Variants in LGR4 observed in about 807,000 individuals in gnomAD.
LGR4 encodes leucine-rich repeat-containing G protein-coupled receptor 4.
A neutral mutation model predicts 84.8 loss-of-function variants in LGR4; 44 were observed. That is an observed-to-expected ratio of 0.52 (90% CI 0.41 to 0.67). The LOEUF (loss-of-function observed/expected upper bound fraction) is 0.67. LGR4 is among the 30% of genes least tolerant of loss of function. LGR4 has a pLI of 0.00. For missense variants in LGR4, 1,032 were observed against 1,131.4 expected, an observed-to-expected ratio of 0.91 and a Z score of 1.26; for synonymous variants, 429 against 434.3, an observed-to-expected ratio of 0.99 and a Z score of 0.15.
At chr11:27,369,906 C>T (rs987979007) in intron 17 of LGR4, among the ~76,000 whole-genome samples, 2 of 152,138 alleles carry the variant, frequency 1.3e-5, no homozygotes, top group Non-Finnish European at 2.9e-5. Flanking sequence ...GATAATATAG[C>T]TAGGACTACA....
chr11:27,402,889 C>G (rs192175652), intron 2 of LGR4, among the ~76,000 whole-genome samples: 1 of 152,232 alleles, frequency 6.6e-6, no homozygotes, highest in Non-Finnish European at 1.5e-5. Context: ...GACGTAGAAG[C>G]AAATACACAA....
At chr11:27,471,263 C>A (rs747483986) in intron 1 of LGR4, among the ~76,000 whole-genome samples, 17 of 152,348 alleles carry the variant, frequency 1.1e-4, no homozygotes, top group Middle Eastern at 6.8e-3. Context: ...GTCTCTCGAT[C>A]TCAGGCAGCT....
At chr11:27,409,660 T>C (rs999373810) in intron 2 of LGR4, among the ~76,000 whole-genome samples, 3 of 152,182 alleles carry the variant, frequency 2.0e-5, no homozygotes, top group Non-Finnish European at 4.4e-5. Flanking sequence ...CCTCGTCTCC[T>C]GACATTTTTC....
intron 17 of LGR4, 128 bp downstream of exon 17, chr11:27,371,487 A>G: frequency 1.7e-6 from 1 of 577,606 alleles, no homozygotes; most frequent in Non-Finnish European, 2.9e-6. Flanking sequence ...GCACAAAATC[A>G]GAAGGCCTCA....
intron 1 of LGR4, among the ~76,000 whole-genome samples, chr11:27,418,832 C>CTTT (rs55877673): frequency 6.2e-5 from 8 of 128,748 alleles, no homozygotes; most frequent in South Asian, 2.4e-4. Context: ...GGATTGAAAT[C>CTTT]TTTTTTTTTT....
intron 17 of LGR4, among the ~76,000 whole-genome samples, chr11:27,371,251 G>T (rs901615826): frequency 3.3e-5 from 5 of 152,114 alleles, no homozygotes; most frequent in Non-Finnish European, 7.4e-5. Flanking sequence ...GTAAATGAGG[G>T]GAAATAAGGA....
chr11:27,439,470 C>T (rs1565094064), intron 1 of LGR4, among the ~76,000 whole-genome samples: 1 of 152,090 alleles, frequency 6.6e-6, no homozygotes, highest in Non-Finnish European at 1.5e-5. Flanking sequence ...ATCCAATTAC[C>T]CATCAATGGA....
At chr11:27,416,205 T>C (rs1027820293) in intron 1 of LGR4, among the ~76,000 whole-genome samples, 1 of 152,226 alleles carries the variant, frequency 6.6e-6, no homozygotes, top group Middle Eastern at 3.4e-3. Context: ...AACTCCCAAA[T>C]GTCTCAGAAG....
At chr11:27,372,207 C>T in intron 16 of LGR4, 76 bp downstream of exon 16, 1 of 910,956 alleles carries the variant, frequency 1.1e-6, no homozygotes, top group African/African-American at 1.6e-5. Context: ...TGATCATTCA[C>T]AAAGTAATTA....
intron 2 of LGR4, among the ~76,000 whole-genome samples, chr11:27,402,979 G>T (rs951216048): frequency 6.6e-6 from 1 of 152,162 alleles, no homozygotes; most frequent in East Asian, 1.9e-4. Context: ...TCACCAGGCT[G>T]CAGATTTCAT....
intron 1 of LGR4, among the ~76,000 whole-genome samples, chr11:27,423,242 A>C (rs907765327): frequency 1.3e-5 from 2 of 152,240 alleles, no homozygotes; most frequent in African/African-American, 4.8e-5. Flanking sequence ...ACACTAAGGC[A>C]CTGACCTCAT....
intron 1 of LGR4, among the ~76,000 whole-genome samples, chr11:27,471,278 A>T (rs189423463): frequency 1.3e-5 from 2 of 152,350 alleles, no homozygotes; most frequent in East Asian, 1.9e-4. Context: ...GCAGCTCAAA[A>T]GAAAAGATCT....
intron 1 of LGR4, among the ~76,000 whole-genome samples, chr11:27,420,054 G>A (rs778228927): frequency 6.6e-6 from 1 of 152,128 alleles, no homozygotes; most frequent in Non-Finnish European, 1.5e-5. Context: ...ATTAAAAAGT[G>A]TGAATTTGGC....
intron 17 of LGR4, among the ~76,000 whole-genome samples, chr11:27,371,315 C>G (rs1464200339): frequency 6.6e-6 from 1 of 152,200 alleles, no homozygotes; most frequent in Non-Finnish European, 1.5e-5. Context: ...TACTAACTTA[C>G]AGAATTAGTC....
Position 27,447,001 on chromosome 11 carries a change from C to T in LGR4, c.185+25117G>A, listed in dbSNP as rs532622535. Among the ~76,000 whole-genome samples the T allele has an allele frequency of 9.6e-4, 143 of 148,738 alleles. 1 individual carries two copies. Among genetic ancestry groups the T allele is most frequent in the African/African-American group, 3.2e-3 (130 of 40,054 alleles). Reference sequence around the variant, plus strand: ...ACTGAATAATGAGAACACTTGGACACAGGGTGGGGAACATCACACACCGGG... The same window carrying T: ...ACTGAATAATGAGAACACTTGGACATAGGGTGGGGAACATCACACACCGGG... On this transcript the variant is annotated intron_variant, in intron 1 of 17. Transcript: ENST00000379214.
chr11:27,376,186 G>A, intron 13 of LGR4, 113 bp downstream of exon 13: 1 of 685,268 alleles, frequency 1.5e-6, no homozygotes, highest in Non-Finnish European at 2.5e-6. Context: ...ACGTTGTTCA[G>A]GCTGAAATTA....
intron 1 of LGR4, among the ~76,000 whole-genome samples, chr11:27,426,391 G>C (rs1316228085): frequency 6.6e-6 from 1 of 152,182 alleles, no homozygotes; most frequent in Non-Finnish European, 1.5e-5. Context: ...TTGGATTTCA[G>C]TAAAACTAAT....
At chr11:27,395,045 G>A (rs933224045) in intron 2 of LGR4, among the ~76,000 whole-genome samples, 4 of 152,132 alleles carry the variant, frequency 2.6e-5, no homozygotes, top group East Asian at 1.9e-4. Flanking sequence ...AAGGGACCCC[G>A]GTCTCACCCA....
chr11:27,396,536 A>T (rs891281909), intron 2 of LGR4, among the ~76,000 whole-genome samples: 9 of 151,746 alleles, frequency 5.9e-5, no homozygotes, highest in South Asian at 2.1e-4. Flanking sequence ...TTTTATTATT[A>T]TTTTTTTTAT....
Sources: allele counts gnomAD v4.1 joint callset (sites outside exome capture counted in the v4.1 genomes callset), GRCh38; gene constraint gnomAD v4.1.1; transcripts MANE v1.5; gene names NCBI Gene and HGNC (gene_info 2026-07-23, HGNC 2026-07-21).